CACNA1D: variants seen among roughly 807,000 people sequenced by gnomAD.
CACNA1D encodes voltage-dependent L-type calcium channel subunit alpha-1D.
A neutral mutation model predicts 257.1 loss-of-function variants in CACNA1D; 55 were observed. That is an observed-to-expected ratio of 0.21 (90% CI 0.17 to 0.27). The LOEUF (loss-of-function observed/expected upper bound fraction) is 0.27. Ranked by LOEUF, CACNA1D falls within the 10% of genes least tolerant of loss-of-function variation. The pLI, the probability that CACNA1D is intolerant of heterozygous loss-of-function variation, is 1.00. For missense variants in CACNA1D, 1,876 were observed against 2,784.0 expected (o/e 0.67, Z 7.34); for synonymous variants, 980 against 1,014.9 (o/e 0.97, Z 0.65).
chr3:53,648,829 AACACACAC>A (rs148968944), intron 3 of CACNA1D, among the ~76,000 whole-genome samples: 80 of 146,858 alleles, frequency 5.4e-4, no homozygotes, highest in African/African-American at 1.8e-3. Flanking sequence ...TAACTCTCAA[AACACACAC>A]ACACACACAC....
At position 53,810,020 on chromosome 3, in the gene CACNA1D, T is replaced by C. The variant is rs768899746; in HGVS notation, c.5914T>C (p.Tyr1972His). The C allele has an allele frequency of 1.4e-5, 23 of 1,613,820 alleles. No individual in the cohort carries two copies. The highest frequency in any genetic ancestry group is 1.9e-5 in the Non-Finnish European group (23 of 1,180,038). Residue 1972 changes from tyrosine to histidine, a missense_variant, in exon 47 of 48, where the codon TAC (tyrosine) becomes CAC (histidine). Transcript: ENST00000350061. ...CCTAGATTCAAGTAAAGCCCAGAAG[T>C]ACTCACCGAGTCACTCGACCCGGTC... ...AGLDSSKAQK[Y>H]SPSHSTRSWA...
Position 53,723,380 on chromosome 3 carries a change from A to G in CACNA1D, c.1667-54A>G. The stretch of plus-strand genomic sequence containing the variant: ...GGAGGGAGGTGTGAGGGGCACGAGC[A>G]GTCTGAGTGTCTTGCAGGAGACCCT... On this transcript the variant is annotated intron_variant, in intron 12 of 47. Transcript: ENST00000350061. The surrounding 1 kb of genome is among the most constrained non-coding windows in gnomAD (Gnocchi z 5.6). 3 of 1,291,616 alleles carry G rather than the reference A, an allele frequency of 2.3e-6. No individual in the cohort carries two copies. Among genetic ancestry groups the G allele is most frequent in the Non-Finnish European group, 3.4e-6 (3 of 885,726 alleles). The allele number at this position is 1,291,616 out of a possible 1,614,324, so 80.0% of individuals were successfully genotyped here.
At chr3:53,566,369 TC>T (rs1161032628) in intron 3 of CACNA1D, among the ~76,000 whole-genome samples, 1 of 152,136 alleles carries the variant, frequency 6.6e-6, no homozygotes, top group Admixed American at 6.5e-5. Context: ...TGTATGTGCT[TC>T]CCTGGATGGG....
intron 29 of CACNA1D, among the ~76,000 whole-genome samples, chr3:53,754,566 G>A (rs532709883): frequency 1.6e-3 from 245 of 152,336 alleles, no homozygotes; most frequent in Middle Eastern, 0.01. Context: ...CCACGCTGCG[G>A]ACTGTCGGCC....
intron 40 of CACNA1D, chr3:53,799,864 C>G (rs772084778): frequency 1.7e-4 from 55 of 319,328 alleles, no homozygotes; most frequent in Non-Finnish European, 2.8e-4. Flanking sequence ...AGGCTGTGCT[C>G]CTTGCCCTGC....
chr3:53,543,920 A>C (rs1018378486), intron 3 of CACNA1D, among the ~76,000 whole-genome samples: 1 of 152,204 alleles, frequency 6.6e-6, no homozygotes, highest in African/African-American at 2.4e-5. Context: ...ACAAAGAAGA[A>C]AATAAGAATC....
chr3:53,670,058 GTGTCT>G (rs1216828463), intron 7 of CACNA1D, among the ~76,000 whole-genome samples: 2 of 152,260 alleles, frequency 1.3e-5, no homozygotes, highest in African/African-American at 2.4e-5. Context: ...AATAATTTCG[GTGTCT>G]TGTCTTAGCA....
At chr3:53,767,404 A>C (rs2095339384) in intron 30 of CACNA1D, among the ~76,000 whole-genome samples, 1 of 152,068 alleles carries the variant, frequency 6.6e-6, no homozygotes, top group African/African-American at 2.4e-5. Flanking sequence ...ATCTCTACTG[A>C]AAATACAAAA....
chr3:53,702,195 T>C (rs1380888320), intron 8 of CACNA1D, among the ~76,000 whole-genome samples: 3 of 152,176 alleles, frequency 2.0e-5, no homozygotes, highest in Non-Finnish European at 4.4e-5. Flanking sequence ...GCAAAGTTTG[T>C]CCAAAAGCAT....
In CACNA1D at chr3:53,565,857, A is replaced by G. The variant is rs150595877; in HGVS notation, c.483+64137A>G. ...AGGAATTGAAATAGAATACCCAGAG[A>G]TACCCAGAGTCTCCACTGGGAATAC... On this transcript the variant is annotated intron_variant, in intron 3 of 47. Coordinates refer to ENST00000350061, the MANE Select transcript of CACNA1D (RefSeq NM_001128840.3). Among the ~76,000 whole-genome samples the G allele has an allele frequency of 4.8e-3, 729 of 152,316 alleles. 5 individuals are homozygous for G. The highest frequency in any genetic ancestry group is 7.7e-3 in the Non-Finnish European group (523 of 68,024).
intron 3 of CACNA1D, among the ~76,000 whole-genome samples, chr3:53,549,348 T>C (rs2092481093): frequency 6.6e-6 from 1 of 152,228 alleles, no homozygotes; most frequent in Non-Finnish European, 1.5e-5. Context: ...TGAATTTGAA[T>C]TTACATACTC....
At chr3:53,790,190 C>G (rs893078170) in intron 40 of CACNA1D, among the ~76,000 whole-genome samples, 4 of 152,182 alleles carry the variant, frequency 2.6e-5, no homozygotes, top group African/African-American at 9.7e-5. Flanking sequence ...GAGTGACCCA[C>G]GAGTTTCCAC....
chr3:53,658,631 TTTTC>T (rs1327083279), intron 4 of CACNA1D, among the ~76,000 whole-genome samples: 2 of 152,272 alleles, frequency 1.3e-5, no homozygotes, highest in East Asian at 3.9e-4. Flanking sequence ...GAGTTTGAGG[TTTTC>T]TTTCTTTCTT....
intron 23 of CACNA1D, 89 bp from the exon 24 acceptor site, chr3:53,745,535 C>G: frequency 1.2e-6 from 1 of 820,412 alleles, no homozygotes; most frequent in Non-Finnish European, 2.1e-6. Context: ...GCCACTGTGC[C>G]TGGCCAACAC....
chr3:53,526,016 C>T (rs2091750186), intron 3 of CACNA1D, among the ~76,000 whole-genome samples: 1 of 152,216 alleles, frequency 6.6e-6, no homozygotes, highest in African/African-American at 2.4e-5. Flanking sequence ...CTTGTAATTG[C>T]AGGATGGCTG....
At position 53,732,022 on chromosome 3, in the gene CACNA1D, A is replaced by G. The variant is rs1358047250; in HGVS notation, c.2413A>G (p.Ile805Val). Reference protein sequence around the residue: ...QIANSDNKVTIDDYREEDEDK... With the variant: ...QIANSDNKVTVDDYREEDEDK... ...GATGTCTTTGTCATCCTAGGTTACA[A>G]TTGATGACTATAGAGAAGAGGATGA... Residue 805 changes from isoleucine (I) to valine (V), a missense_variant, in exon 18 of 48, where the codon ATT becomes GTT. By Grantham distance (29) the Ile-to-Val change is conservative. Around this residue, in one of 10 missense-constraint regions of CACNA1D, gnomAD observed 78 missense variants for 69.2 expected, o/e 1.13. Transcript: ENST00000350061. The G allele has an allele frequency of 1.9e-6, 3 of 1,604,508 alleles. No homozygotes were observed. The highest frequency in any genetic ancestry group is 4.5e-5 in the East Asian group (2 of 44,846).
intron 3 of CACNA1D, among the ~76,000 whole-genome samples, chr3:53,514,021 A>G (rs760694662): frequency 4.6e-5 from 7 of 152,188 alleles, no homozygotes; most frequent in Non-Finnish European, 7.3e-5. Flanking sequence ...TGCACTTTTC[A>G]GGACCCTGTT....
chr3:53,670,371 G>GT (rs1382509270), intron 7 of CACNA1D, among the ~76,000 whole-genome samples: 2 of 152,080 alleles, frequency 1.3e-5, no homozygotes, highest in Admixed American at 6.5e-5. Flanking sequence ...TTGAGACGGA[G>GT]TTTTGCTCTG....
chr3:53,665,302 G>A (rs35485477), intron 5 of CACNA1D, among the ~76,000 whole-genome samples: 5,907 of 152,230 alleles, frequency 0.039, 165 homozygotes, highest in Non-Finnish European at 0.058. Flanking sequence ...TACATAAACC[G>A]TCTTCATATT....
Sources: gnomAD v4.1 joint callset for allele counts (sites outside exome capture counted in the v4.1 genomes callset) on GRCh38, gnomAD v4.1.1 for gene constraint, gnomAD v4.1.1 regional missense constraint, Gnocchi (gnomAD v3.1) non-coding constraint, MANE v1.5 for transcripts, NCBI Gene and HGNC (gene_info 2026-07-23, HGNC 2026-07-21) for gene names.